The following TCF20 variants were observed in gnomAD, a reference collection of about 807,000 sequenced individuals.
The protein encoded by TCF20 is transcription factor 20.
A neutral mutation model predicts 148.6 loss-of-function variants in TCF20; 3 were observed. That is an observed-to-expected ratio of 0.02 (90% confidence interval 0.01 to 0.05). TCF20 has a LOEUF of 0.05. Among genes scored for constraint, TCF20 ranks in the 10% least tolerant of loss-of-function variants. The pLI is 1.00. For missense variants in TCF20, 2,350 were observed against 2,429.3 expected, an observed-to-expected ratio of 0.97 and a Z score of 0.69; for synonymous variants, 1,049 against 909.5, an observed-to-expected ratio of 1.15 and a Z score of -2.76.
chr22:42,324,689 T>TGAGAAAAAATAATCTCCACCATC (rs1927840772), intron 1 of TCF20, among the ~76,000 whole-genome samples: 2 of 62,782 alleles, frequency 3.2e-5, no homozygotes, highest in African/African-American at 1.0e-4. Context: ...TCTCCACCAT[T>TGAGAAAAAATAATCTCCACCATC]TGAGAAAAAA....
At chr22:42,208,704 A>T (rs1002213866) in intron 2 of TCF20, among the ~76,000 whole-genome samples, 1 of 152,228 alleles carries the variant, frequency 6.6e-6, no homozygotes, top group Non-Finnish European at 1.5e-5. Flanking sequence ...ATAAAACATA[A>T]AACAGAGGAG....
intron 1 of TCF20, among the ~76,000 whole-genome samples, chr22:42,229,563 G>C (rs1601627672): frequency 6.6e-6 from 1 of 152,254 alleles, no homozygotes; most frequent in East Asian, 1.9e-4. Flanking sequence ...TGAAGAGAGA[G>C]GGTCAGAAGA....
intron 1 of TCF20, among the ~76,000 whole-genome samples, chr22:42,268,265 G>A (rs1174365267): frequency 6.6e-6 from 1 of 152,244 alleles, no homozygotes; most frequent in Admixed American, 6.5e-5. Flanking sequence ...CAGCAGCACA[G>A]TTCTAGAAAT....
At position 42,213,469 on chromosome 22, in the gene TCF20, T is replaced by C. The variant is rs774283608; in HGVS notation, c.1837A>G (p.Met613Val). 6.2e-7 allele frequency: 1 copy of C among 1,614,180 alleles called. No homozygotes were observed. The highest frequency in any genetic ancestry group is 2.2e-5 in the East Asian group (1 of 44,888). Residue 613 changes from methionine (M) to valine (V), a missense_variant, in exon 2 of 6, where the codon ATG (methionine) becomes GTG (valine). Coordinates refer to ENST00000677622, the MANE Select transcript of TCF20 (RefSeq NM_001378418.1). The stretch of plus-strand genomic sequence containing the variant: ...CCAGGCTTTTCTACCCGACCTGTCA[T>C]GGCTTCCCGGGAGACAATCACCCCA... ...TVGVIVSREA[M>V]TGRVEKPGGQ...
At chr22:42,251,656 CCA>C (rs1157137115) in intron 1 of TCF20, among the ~76,000 whole-genome samples, 4 of 151,170 alleles carry the variant, frequency 2.6e-5, no homozygotes, top group African/African-American at 9.7e-5. Flanking sequence ...GCACTTGCAA[CCA>C]TGCCTAGATA....
intron 3 of TCF20, among the ~76,000 whole-genome samples, chr22:42,173,908 C>T (rs767836666): frequency 1.5e-4 from 23 of 152,144 alleles, no homozygotes; most frequent in African/African-American, 5.1e-4. Flanking sequence ...GCTGGACACG[C>T]GGCCACCAAC....
Position 42,248,401 on chromosome 22 carries a change from G to A in TCF20, c.-37+21938C>T, listed in dbSNP as rs892307250. Reference sequence around the variant, plus strand: ...CTCTTCAGTCTGTTTCTTTATCCCCGTTTTACAGATAAAATACTGACTTTA... The same window carrying A: ...CTCTTCAGTCTGTTTCTTTATCCCCATTTTACAGATAAAATACTGACTTTA... On this transcript the variant is annotated intron_variant, in intron 1 of 5. Transcript: ENST00000677622. 5.9e-5 allele frequency among the ~76,000 whole-genome samples: 9 copies of A among 152,206 alleles called. No individual in the cohort carries two copies. In the South Asian group the frequency reaches 6.2e-4, roughly 11 times the overall value.
intron 1 of TCF20, among the ~76,000 whole-genome samples, chr22:42,255,669 C>G (rs1925701571): frequency 6.6e-6 from 1 of 152,146 alleles, no homozygotes; most frequent in Non-Finnish European, 1.5e-5. Flanking sequence ...ACAGATCCTT[C>G]TTATGCAGAC....
intron 1 of TCF20, 110 bp from the exon 2 acceptor site, chr22:42,215,451 A>G: frequency 7.4e-7 from 1 of 1,355,984 alleles, no homozygotes; most frequent in South Asian, 1.7e-5. Flanking sequence ...GATGAAGCTG[A>G]CTGGTTTGAA....
upstream of TCF20, among the ~76,000 whole-genome samples, chr22:42,288,094 A>G (rs114683307): frequency 4.3e-3 from 655 of 152,250 alleles, 11 homozygotes; most frequent in African/African-American, 0.015. Flanking sequence ...ACCTTTTCCT[A>G]TTAAGAGATC....
chr22:42,286,702 A>G (rs1401055124), upstream of TCF20, among the ~76,000 whole-genome samples: 1 of 152,188 alleles, frequency 6.6e-6, no homozygotes, highest in African/African-American at 2.4e-5. Context: ...ATCAGAGACT[A>G]GGCTCCAAAT....
chr22:42,336,053 G>A (rs189252774), intron 1 of TCF20, among the ~76,000 whole-genome samples: 11 of 152,322 alleles, frequency 7.2e-5, no homozygotes, highest in Non-Finnish European at 1.0e-4. Flanking sequence ...CCCCATTAGC[G>A]TGGCCTCCTC....
intron 1 of TCF20, among the ~76,000 whole-genome samples, chr22:42,216,644 G>A: frequency 6.6e-6 from 1 of 152,110 alleles, no homozygotes; most frequent in Admixed American, 6.6e-5. Flanking sequence ...CCCGCCATGT[G>A]GTATTTGTAT....
At chr22:42,235,479 A>C (rs895278077) in intron 1 of TCF20, among the ~76,000 whole-genome samples, 5 of 152,222 alleles carry the variant, frequency 3.3e-5, no homozygotes, top group African/African-American at 1.2e-4. Context: ...GTCAAACTAA[A>C]TGACTTGAAC....
intron 2 of TCF20, among the ~76,000 whole-genome samples, chr22:42,205,186 T>C (rs979268609): frequency 4.0e-5 from 6 of 151,330 alleles, no homozygotes; most frequent in African/African-American, 1.5e-4. Flanking sequence ...ATTGTGATTC[T>C]CATACACAAT....
intron 1 of TCF20, 94 bp from the exon 2 acceptor site, chr22:42,215,435 G>A: frequency 7.0e-7 from 1 of 1,434,334 alleles, no homozygotes; most frequent in Non-Finnish European, 9.2e-7. Flanking sequence ...ATGAATCAGA[G>A]GCCCAGATGA....
At chr22:42,340,283 G>T (rs1928141600) in intron 1 of TCF20, among the ~76,000 whole-genome samples, 1 of 152,204 alleles carries the variant, frequency 6.6e-6, no homozygotes, top group African/African-American at 2.4e-5. Context: ...CCACCTCTGT[G>T]GGTACAAGAC....
chr22:42,261,155 T>C (rs1926008417), intron 1 of TCF20, among the ~76,000 whole-genome samples: 1 of 152,212 alleles, frequency 6.6e-6, no homozygotes, highest in African/African-American at 2.4e-5. Context: ...GTGAGATTAA[T>C]CCTTATTACA....
chr22:42,196,362 G>T (rs1490754727), intron 2 of TCF20, among the ~76,000 whole-genome samples: 1 of 152,234 alleles, frequency 6.6e-6, no homozygotes, highest in Non-Finnish European at 1.5e-5. Flanking sequence ...GCTCTCTGAA[G>T]AGGAGGGAGA....
Sources: gnomAD v4.1 joint callset for allele counts (sites outside exome capture counted in the v4.1 genomes callset) on GRCh38, gnomAD v4.1.1 for gene constraint, MANE v1.5 for transcripts, NCBI Gene and HGNC (gene_info 2026-07-23, HGNC 2026-07-21) for gene names.